Variants in SPAG17 observed in about 807,000 individuals in gnomAD.
The protein encoded by SPAG17 is sperm associated antigen 17.
SPAG17 carries 169 observed loss-of-function variants against 273.6 expected under a neutral mutation model. The ratio of observed to expected loss-of-function variants is 0.62; its 90% CI spans 0.55 to 0.70. The LOEUF (loss-of-function observed/expected upper bound fraction) is 0.70. SPAG17 is among the 30% of genes least tolerant of loss of function. The pLI, the probability that SPAG17 is intolerant of heterozygous loss-of-function variation, is 0.00. For missense variants in SPAG17, 2,557 were observed against 2,627.8 expected (o/e 0.97, Z 0.59); for synonymous variants, 825 against 873.2 (o/e 0.94, Z 0.97).
At chr1:118,100,088 T>G (rs531729106) in intron 5 of SPAG17, among the ~76,000 whole-genome samples, 1 of 152,240 alleles carries the variant, frequency 6.6e-6, no homozygotes, top group Non-Finnish European at 1.5e-5. Context: ...AAATGTGTGC[T>G]TGGGTTTTTG....
intron 13 of SPAG17, among the ~76,000 whole-genome samples, chr1:118,083,161 G>A (rs1392906118): frequency 6.6e-6 from 1 of 151,944 alleles, no homozygotes; most frequent in Non-Finnish European, 1.5e-5. Context: ...TTGCCATGTC[G>A]GCCAGGCTGG....
chr1:118,018,301 C>CT (rs1660166164), intron 28 of SPAG17, among the ~76,000 whole-genome samples: 2 of 152,254 alleles, frequency 1.3e-5, no homozygotes, highest in Middle Eastern at 6.8e-3. Context: ...CCACCCCACT[C>CT]TAGAACTGTC....
intron 42 of SPAG17, among the ~76,000 whole-genome samples, chr1:117,983,259 G>T (rs1465152576): frequency 6.6e-6 from 1 of 152,160 alleles, no homozygotes; most frequent in Non-Finnish European, 1.5e-5. Context: ...GCACGGGAAA[G>T]ACCTGCCCCC....
At chr1:118,004,848 GA>G (rs1658707130) in intron 32 of SPAG17, among the ~76,000 whole-genome samples, 1 of 152,226 alleles carries the variant, frequency 6.6e-6, no homozygotes, top group African/African-American at 2.4e-5. Flanking sequence ...CCAGTGAGAT[GA>G]ACCAGGTACT....
chr1:118,020,355 A>G (rs993243998), intron 28 of SPAG17, among the ~76,000 whole-genome samples: 5 of 152,070 alleles, frequency 3.3e-5, no homozygotes, highest in Non-Finnish European at 7.4e-5. Flanking sequence ...AATTGCTTGA[A>G]TGTGGGAAGT....
intron 48 of SPAG17, among the ~76,000 whole-genome samples, chr1:117,957,672 A>C (rs1356491082): frequency 6.6e-6 from 1 of 152,194 alleles, no homozygotes; most frequent in Non-Finnish European, 1.5e-5. Flanking sequence ...AAACTTTATT[A>C]AAACATTATG....
Position 117,971,867 on chromosome 1 carries a change from A to G in SPAG17, c.6322T>C (p.Cys2108Arg). ...VKLKNVGVDF[C>R]RFKVKQPPPS... ...CCTTTGGTCCCTTGGCCTCACCTGCAGAAGTCCACTCCAACATTCTTGAGC... is the reference window on the plus strand; with the variant it reads ...CCTTTGGTCCCTTGGCCTCACCTGCGGAAGTCCACTCCAACATTCTTGAGC... The change falls in exon 45 of 49, where the codon TGC becomes CGC. Residue 2108 changes from cysteine (C) to arginine (R), a missense_variant. Transcript: ENST00000336338. The G allele has an allele frequency of 6.2e-7, 1 of 1,613,122 alleles. No homozygotes were observed. The highest frequency in any genetic ancestry group is 8.5e-7 in the Non-Finnish European group (1 of 1,179,532).
chr1:117,967,959 C>T (rs1654063291), intron 46 of SPAG17, among the ~76,000 whole-genome samples: 2 of 152,170 alleles, frequency 1.3e-5, no homozygotes, highest in African/African-American at 2.4e-5. Flanking sequence ...AAATGTTTCA[C>T]AGTTTTTTCA....
intron 17 of SPAG17, among the ~76,000 whole-genome samples, chr1:118,069,985 C>A (rs1291144059): frequency 6.6e-6 from 1 of 152,180 alleles, no homozygotes; most frequent in Non-Finnish European, 1.5e-5. Context: ...AGTGCAGCTT[C>A]ATGGAGCAGT....
intron 48 of SPAG17, chr1:117,954,716 AT>A: frequency 7.5e-7 from 1 of 1,325,860 alleles, no homozygotes; most frequent in Non-Finnish European, 1.1e-6. Context: ...TGATTTGGGG[AT>A]GGATTATTGG....
intron 26 of SPAG17, among the ~76,000 whole-genome samples, chr1:118,026,724 A>C (rs1647791544): frequency 1.3e-5 from 2 of 152,170 alleles, no homozygotes. Context: ...AAGTAAGAGA[A>C]GGAAGATTTG....
chr1:118,140,868 A>G (rs1658642427), intron 3 of SPAG17, among the ~76,000 whole-genome samples: 1 of 152,202 alleles, frequency 6.6e-6, no homozygotes, highest in Non-Finnish European at 1.5e-5. Flanking sequence ...CTTTTTAACA[A>G]GGACTCACCA....
intron 1 of SPAG17, among the ~76,000 whole-genome samples, chr1:118,170,606 C>A (rs1020146090): frequency 6.6e-6 from 1 of 152,100 alleles, no homozygotes; most frequent in Non-Finnish European, 1.5e-5. Flanking sequence ...AAATAAACAT[C>A]ATTTAATATT....
At chr1:118,131,691 C>T (rs1024692579) in intron 3 of SPAG17, among the ~76,000 whole-genome samples, 1 of 152,172 alleles carries the variant, frequency 6.6e-6, no homozygotes, top group African/African-American at 2.4e-5. Flanking sequence ...CTACCTAGAG[C>T]TTTTCCTATT....
At chr1:117,954,391 C>T (rs1651852441) in intron 48 of SPAG17, among the ~76,000 whole-genome samples, 1 of 152,096 alleles carries the variant, frequency 6.6e-6, no homozygotes, top group South Asian at 2.1e-4. Context: ...AGATAAAATA[C>T]ATTGTCCAAG....
At chr1:118,013,624 G>C (rs1201734722) in intron 29 of SPAG17, among the ~76,000 whole-genome samples, 1 of 152,134 alleles carries the variant, frequency 6.6e-6, no homozygotes, top group Non-Finnish European at 1.5e-5. Context: ...GGTTAAACGA[G>C]ATGATGCTGG....
rs1329146420 is a variant in SPAG17, at chr1:117,981,384, C to T, written c.5890G>A (p.Val1964Ile). Residue 1964 changes from valine (V) to isoleucine (I), a missense_variant, in exon 43 of 49, where the codon GTT becomes ATT. Physicochemically the swap from Val to Ile is conservative, Grantham distance 29. Transcript: ENST00000336338. ...ACACTTGAGGATTTCTGTTCTGAAA[C>T]CTTATGTGGCTTGAAATCTAGAAAA... is the stretch of plus-strand genomic sequence containing the variant. ...DLNLDFKPHK[V>I]SEQKSSSVPS... 7 of 1,592,230 alleles carry T rather than the reference C, an allele frequency of 4.4e-6. No homozygotes were observed. The highest frequency in any genetic ancestry group is 6.0e-6 in the Non-Finnish European group (7 of 1,174,834).
intron 28 of SPAG17, among the ~76,000 whole-genome samples, chr1:118,017,840 G>A (rs1660125252): frequency 6.6e-6 from 1 of 152,112 alleles, no homozygotes; most frequent in Non-Finnish European, 1.5e-5. Context: ...CTTCCATTAA[G>A]TATATGGGTC....
chr1:117,996,253 G>C, intron 34 of SPAG17, 117 bp downstream of exon 34: 1 of 1,231,028 alleles, frequency 8.1e-7, no homozygotes, highest in Non-Finnish European at 1.1e-6. Flanking sequence ...TTCCAAAGTA[G>C]AGCAGAAAAG....
Sources: gnomAD v4.1 joint callset for allele counts (sites outside exome capture counted in the v4.1 genomes callset) on GRCh38, gnomAD v4.1.1 for gene constraint, MANE v1.5 for transcripts, NCBI Gene and HGNC (gene_info 2026-07-23, HGNC 2026-07-21) for gene names.